The following CHD6 variants were observed in gnomAD, a reference collection of about 807,000 sequenced individuals.
CHD6 encodes ATP-dependent chromatin remodeler CHD6.
In CHD6, 50 loss-of-function variants were observed where a neutral mutation model predicts 276.9. The observed-to-expected ratio is 0.18, with a 90% confidence interval of 0.14 to 0.23. The LOEUF (loss-of-function observed/expected upper bound fraction) is 0.23, where lower values mean the gene tolerates loss of function less well. Ranked by LOEUF, CHD6 falls within the 10% of genes least tolerant of loss-of-function variation. The probability of loss-of-function intolerance (pLI) is 1.00; values close to 1 mark genes in which losing one functional copy is unlikely to be tolerated. For missense variants in CHD6, 2,564 were observed against 3,365.8 expected, an observed-to-expected ratio of 0.76 and a Z score of 5.89; for synonymous variants, 1,173 against 1,229.3, an observed-to-expected ratio of 0.95 and a Z score of 0.96.
chr20:41,472,134 T>TGAGGCAA (rs2043067885), intron 17 of CHD6, among the ~76,000 whole-genome samples: 2 of 151,618 alleles, frequency 1.3e-5, no homozygotes, highest in South Asian at 4.2e-4. Flanking sequence ...CGCAGGAGGC[T>TGAGGCAA]GAGGCAAGAG....
Position 41,405,296 on chromosome 20 carries a change from T to C in CHD6, c.7445A>G (p.Gln2482Arg). 6.2e-7 allele frequency: 1 copy of C among 1,614,208 alleles called. No homozygotes were observed. The highest frequency in any genetic ancestry group is 8.5e-7 in the Non-Finnish European group (1 of 1,180,034). ...LIAGMDLVGL[Q>R]NMRNMPGIPL... ...GATGCCTGGCATATTTCTCATGTTC[T>C]GAAGTCCTACCAGGTCCATCCCAGC... The change falls in exon 37 of 37, where the codon CAG becomes CGG. Residue 2482 changes from glutamine to arginine, a missense_variant. Coordinates refer to ENST00000373233, the MANE Select transcript of CHD6 (RefSeq NM_032221.5).
chr20:41,551,237 G>T, intron 2 of CHD6, 68 bp downstream of exon 2: 2 of 1,008,658 alleles, frequency 2.0e-6, no homozygotes, highest in Non-Finnish European at 1.6e-6. Flanking sequence ...CACTGCCAGT[G>T]TCTCCCCTTG....
intron 17 of CHD6, among the ~76,000 whole-genome samples, chr20:41,467,561 G>GAA (rs11472253): frequency 0.024 from 924 of 39,070 alleles, 24 homozygotes; most frequent in African/African-American, 0.033. Context: ...TTCTGACAAT[G>GAA]AAAAAAAAAA....
At chr20:41,613,077 T>G (rs1158776438) in intron 1 of CHD6, among the ~76,000 whole-genome samples, 1 of 152,160 alleles carries the variant, frequency 6.6e-6, no homozygotes, top group African/African-American at 2.4e-5. Flanking sequence ...AACACCTGGT[T>G]TTATATGTAT....
At chr20:41,577,218 A>G (rs1338105456) in intron 1 of CHD6, among the ~76,000 whole-genome samples, 1 of 152,220 alleles carries the variant, frequency 6.6e-6, no homozygotes, top group Admixed American at 6.5e-5. Context: ...GCCGCTATTT[A>G]TCATGATTTG....
rs1013966486 is a variant in CHD6 at position 41,533,540 on chromosome 20, G to A, written c.64C>T (p.Pro22Ser). 1 of 1,610,038 alleles carries A rather than the reference G, an allele frequency of 6.2e-7. No homozygotes were observed. Among genetic ancestry groups the A allele is most frequent in the Non-Finnish European group, 8.5e-7 (1 of 1,179,510 alleles). ...AAATTGACAGAGGCATCAGACATTG[G>A]GGAGTGATTCAAAACTTTTAAATTT... Reference protein sequence around the residue: ...LSNLKVLNHSPMSDASVNFDY... With the variant: ...LSNLKVLNHSSMSDASVNFDY... Residue 22 changes from proline to serine, a missense_variant, in exon 3 of 37, where the codon CCA (proline) becomes TCA (serine). This residue lies in a region of CHD6 where 286 missense variants were observed against 297.8 expected (regional missense o/e 0.96). Transcript: ENST00000373233.
Position 41,490,032 on chromosome 20 carries a change from T to C in CHD6, c.1437-11A>G. 1 of 1,611,074 alleles carries C rather than the reference T, an allele frequency of 6.2e-7. No homozygotes were observed. Among genetic ancestry groups the C allele is most frequent in the African/African-American group, 1.3e-5 (1 of 74,856 alleles). On this transcript the variant is annotated splice_polypyrimidine_tract_variant and intron_variant, in intron 11 of 36. Coordinates refer to ENST00000373233, the MANE Select transcript of CHD6 (RefSeq NM_032221.5). ...AAAATACAGTTTTTTCTGCAGAGAG[T>C]GAGAAATATAGGTAATTCATTATCA... is the stretch of plus-strand genomic sequence containing the variant.
At position 41,532,541 on chromosome 20, in the gene CHD6, G is replaced by A. The variant is rs562412571; in HGVS notation, c.554+509C>T. ...GTCACTTCCCTTACACCCTGTGCAT[G>A]TTAACATTTTAATTCTTTTTAGTCC... On this transcript the variant is annotated intron_variant, in intron 3 of 36. Transcript: ENST00000373233. Among the ~76,000 whole-genome samples, 6 of 152,332 alleles carry A rather than the reference G, an allele frequency of 3.9e-5. No homozygotes were observed. In the South Asian group the frequency reaches 1.2e-3, roughly 32 times the overall value.
chr20:41,598,968 C>T (rs2045746990), intron 1 of CHD6, among the ~76,000 whole-genome samples: 1 of 152,160 alleles, frequency 6.6e-6, no homozygotes, highest in African/African-American at 2.4e-5. Context: ...GTCCTCTGAC[C>T]CTTACATTTA....
intron 1 of CHD6, among the ~76,000 whole-genome samples, chr20:41,600,342 G>A (rs1322741575): frequency 3.3e-5 from 5 of 152,118 alleles, no homozygotes; most frequent in African/African-American, 1.2e-4. Flanking sequence ...TACGAAACAG[G>A]ACATTTTGTA....
Position 41,421,891 on chromosome 20 carries a change from G to A in CHD6, c.4744C>T (p.Arg1582Ter), listed in dbSNP as rs1267617426. 6.2e-7 allele frequency: 1 copy of A among 1,614,126 alleles called. No homozygotes were observed. Among genetic ancestry groups the A allele is most frequent in the Non-Finnish European group, 8.5e-7 (1 of 1,179,996 alleles). ...PVWWECGKHD[R>*]DLLIGTAKHG... is the part of the protein sequence containing the mutation. ...TTGGCAGTGCCGATGAGCAGGTCTC[G>A]ATCATGCTTCCCACACTCCCACCAG... is the stretch of plus-strand genomic sequence containing the variant. The change falls in exon 31 of 37, where the codon CGA becomes TGA. Residue 1582 changes from arginine to a stop codon, truncating the protein, a stop_gained. Transcript: ENST00000373233. LOFTEE classifies it high-confidence loss of function.
chr20:41,442,139 T>C (rs566411220), intron 25 of CHD6, among the ~76,000 whole-genome samples: 46 of 152,146 alleles, frequency 3.0e-4, no homozygotes, highest in African/African-American at 1.0e-3. Flanking sequence ...ATGTCTGGAG[T>C]GGACTAAAAG....
At position 41,415,596 on chromosome 20, in the gene CHD6, G is replaced by C; in HGVS notation, c.6529C>G (p.His2177Asp). ...APVFTKDEQK[H>D]RRPYEFEVER... ...ACCTCAAACTCATAGGGACGCCTGT[G>C]CTTTTGTTCATCCTTTGTGAATACT... The change falls in exon 34 of 37, where the codon CAC becomes GAC. Residue 2177 changes from histidine (H) to aspartate (D), a missense_variant. Physicochemically the swap from His to Asp is moderately conservative, Grantham distance 81. Coordinates refer to ENST00000373233, the MANE Select transcript of CHD6 (RefSeq NM_032221.5). The C allele has an allele frequency of 6.2e-7, 1 of 1,610,178 alleles. No homozygotes were observed. Among genetic ancestry groups the C allele is most frequent in the Non-Finnish European group, 8.5e-7 (1 of 1,178,742 alleles).
intron 1 of CHD6, among the ~76,000 whole-genome samples, chr20:41,596,111 C>T (rs1015849564): frequency 3.3e-5 from 5 of 152,208 alleles, no homozygotes; most frequent in Admixed American, 6.5e-5. Flanking sequence ...CTGCGGGCCC[C>T]GTCACCCCAC....
rs2047179448 is a variant in CHD6 at position 41,421,211 on chromosome 20, C to T, written c.5424G>A (p.Lys1808=). Residue 1808 remains lysine (K), a synonymous_variant, in exon 31 of 37, where the codon AAG becomes AAA. Transcript: ENST00000373233. ...GATTCAAGGAAGGGGAAGCTAAACA[C>T]TTGGCTTCCAGCTGGCCAATGTTTT... ...RPENIGQLEA[K]CLASPSLNPG... 6.2e-7 allele frequency: 1 copy of T among 1,613,698 alleles called. No individual in the cohort carries two copies. The highest frequency in any genetic ancestry group is 1.1e-5 in the South Asian group (1 of 90,964).
chr20:41,559,775 T>C (rs530639413), intron 1 of CHD6, among the ~76,000 whole-genome samples: 1 of 152,184 alleles, frequency 6.6e-6, no homozygotes, highest in East Asian at 1.9e-4. Context: ...TGTGGCTATA[T>C]CCAACCACAT....
chr20:41,417,132 T>TA (rs1231320804), intron 32 of CHD6, 66 bp downstream of exon 32: 1 of 1,453,362 alleles, frequency 6.9e-7, no homozygotes, highest in East Asian at 2.3e-5. Flanking sequence ...CTAAAAGGGT[T>TA]AAAAAAAGCA....
rs779485415 is a variant in CHD6, at chr20:41,483,326, A to G, written c.2451T>C (p.Asp817=). The G allele has an allele frequency of 6.2e-6, 10 of 1,612,884 alleles. No individual in the cohort carries two copies. Among genetic ancestry groups the G allele is most frequent in the South Asian group, 1.1e-5 (1 of 90,934 alleles). ...QMVRCLDILE[D]YLIQRRYTYE... ...AGTCTCACCTTCTCTGGATGAGGTA[A>G]TCTTCTAGGATGTCGAGGCAGCGCA... is the stretch of plus-strand genomic sequence containing the variant. Residue 817 remains aspartate, a synonymous_variant, in exon 16 of 37, where the codon GAT becomes GAC. Transcript: ENST00000373233.
intron 17 of CHD6, among the ~76,000 whole-genome samples, chr20:41,469,229 T>C (rs1334256930): frequency 1.3e-5 from 2 of 152,166 alleles, no homozygotes. Context: ...GGCCAGGACA[T>C]CTGCTCCCAC....
Sources: allele counts gnomAD v4.1 joint callset (sites outside exome capture counted in the v4.1 genomes callset), GRCh38; gene constraint gnomAD v4.1.1; regional missense constraint gnomAD v4.1.1; transcripts MANE v1.5; gene names NCBI Gene and HGNC (gene_info 2026-07-23, HGNC 2026-07-21).